CFAP298: variants seen among roughly 807,000 people sequenced by gnomAD.
CFAP298 encodes the protein cilia- and flagella-associated protein 298.
Under a neutral mutation model 41.0 loss-of-function variants are expected in CFAP298, and 38 were observed. The observed-to-expected ratio is 0.93, with a 90% CI of 0.72 to 1.22. The LOEUF (loss-of-function observed/expected upper bound fraction) is 1.22, where lower values mean the gene tolerates loss of function less well. CFAP298 is among the 50% of genes most tolerant of loss of function. CFAP298 has a pLI of 0.00. For synonymous variants in CFAP298, 137 were observed against 135.3 expected, an observed-to-expected ratio of 1.01 and a Z score of -0.09; for missense variants, 348 against 360.3, an observed-to-expected ratio of 0.97 and a Z score of 0.28.
rs2038703264 is a variant in CFAP298 at position 32,599,547 on chromosome 21, A to G, written c.*2316T>C. Among the ~76,000 whole-genome samples, 1 of 152,178 alleles carries G rather than the reference A, an allele frequency of 6.6e-6. No homozygotes were observed. The highest frequency in any genetic ancestry group is 2.1e-4 in the South Asian group (1 of 4,826). ...AAAAGAAGAAAATAACAACAAGACC[A>G]CAGACTTAAGCTGATCAGTGGTCTA... On this transcript the variant is annotated 3_prime_UTR_variant, in exon 7 of 7. Transcript: ENST00000290155.
In CFAP298 at chr21:32,606,091, CTG is replaced by C. The variant is rs1195115191; in HGVS notation, c.375+1556_375+1557del. Among the ~76,000 whole-genome samples the C allele has an allele frequency of 2.6e-5, 4 of 152,324 alleles. 1 individual carries two copies. The highest frequency in any genetic ancestry group is 2.6e-4 in the Admixed American group (4 of 15,306). ...GGATTTGCCCTATAAAACCAAGACA[CTG>C]TGGTTCTGTTACTGGAAACAGAGAA... On this transcript the variant is annotated intron_variant, in intron 3 of 6. Coordinates refer to ENST00000290155, the MANE Select transcript of CFAP298 (RefSeq NM_021254.4).
At position 32,611,318 on chromosome 21, in the gene CFAP298, CATATAT is replaced by C. The variant is rs71193198; in HGVS notation, c.139+781_139+786del. On this transcript the variant is annotated intron_variant, in intron 1 of 6. Transcript: ENST00000290155. Reference sequence around the variant, plus strand: ...CCCTGTCTCTCACACACACACATACCATATATATATATATATATATAATTTATTTAT... The same window carrying C: ...CCCTGTCTCTCACACACACACATACCATATATATATATATAATTTATTTAT... 9.8e-4 allele frequency among the ~76,000 whole-genome samples: 113 copies of C among 114,846 alleles called. 8 individuals carry two copies. Among genetic ancestry groups the C allele is most frequent in the African/African-American group, 4.5e-3 (106 of 23,568 alleles). The allele number at this position is 114,846 out of a possible 152,430, so 75.3% of individuals were successfully genotyped here.
intron 5 of CFAP298, chr21:32,602,819 A>C (rs2038774517): frequency 7.2e-7 from 1 of 1,392,630 alleles, no homozygotes; most frequent in South Asian, 1.6e-5. Flanking sequence ...TCCTGTACAC[A>C]GCATCAGCAG....
intron 4 of CFAP298, 69 bp downstream of exon 4, chr21:32,604,056 G>A (rs1601152575): frequency 1.4e-6 from 2 of 1,438,504 alleles, no homozygotes; most frequent in East Asian, 4.6e-5. Flanking sequence ...CAGAAGAGGG[G>A]CATCAAATCT....
At chr21:32,605,502 C>T (rs1350536639) in intron 3 of CFAP298, among the ~76,000 whole-genome samples, 1 of 152,178 alleles carries the variant, frequency 6.6e-6, no homozygotes, top group African/African-American at 2.4e-5. Flanking sequence ...CACCTCCAGG[C>T]GCTAGAGGTT....
chr21:32,610,597 C>T lies in CFAP298; in HGVS notation c.140-592G>A, dbSNP rs1023045348. On this transcript the variant is annotated intron_variant, in intron 1 of 6. Transcript: ENST00000290155. ...TGACTCTTAGCATTCAGCACATTTC[C>T]AATTTATAACGTTATAGGAAAAGAA... Among the ~76,000 whole-genome samples, 5 of 152,320 alleles carry T rather than the reference C, an allele frequency of 3.3e-5. 1 individual carries two copies. The highest frequency in any genetic ancestry group is 2.1e-4 in the South Asian group (1 of 4,816).
chr21:32,608,656 C>CAAA (rs57270252), intron 2 of CFAP298, among the ~76,000 whole-genome samples: 7 of 54,968 alleles, frequency 1.3e-4, no homozygotes, highest in Non-Finnish European at 2.3e-4. Context: ...GACTCTGTCT[C>CAAA]AAAAAAAAAA....
At chr21:32,609,671 A>G (rs1262930368) in intron 2 of CFAP298, among the ~76,000 whole-genome samples, 167 bp downstream of exon 2, 1 of 152,144 alleles carries the variant, frequency 6.6e-6, no homozygotes, top group East Asian at 1.9e-4. Context: ...AGGCGGAGGC[A>G]GGAGAATCGC....
At chr21:32,602,816 C>A in intron 5 of CFAP298, 1 of 1,388,542 alleles carries the variant, frequency 7.2e-7, no homozygotes, top group Admixed American at 3.2e-5. Flanking sequence ...CCCTCCTGTA[C>A]ACAGCATCAG....
intron 3 of CFAP298, 37 bp downstream of exon 3, chr21:32,607,610 AAC>A (rs1491448838): frequency 2.3e-6 from 3 of 1,310,698 alleles, no homozygotes; most frequent in Admixed American, 2.2e-5. Flanking sequence ...AAAAAAAAAA[AAC>A]CCAACAAGTT....
chr21:32,602,564 G>A (rs1206306797), intron 5 of CFAP298, 197 bp from the exon 6 acceptor site: 4 of 1,400,568 alleles, frequency 2.9e-6, no homozygotes, highest in Non-Finnish European at 3.7e-6. Context: ...CTCACTGTGT[G>A]GAGACCAGAG....
In CFAP298 at chr21:32,612,284, GCTGCGTGGC is replaced by G. The variant is rs756779318; in HGVS notation, c.-50_-42del. 51 of 1,412,764 alleles carry G rather than the reference GCTGCGTGGC, an allele frequency of 3.6e-5. No homozygotes were observed. Among genetic ancestry groups the G allele is most frequent in the Non-Finnish European group, 4.7e-5 (49 of 1,032,718 alleles). The allele number at this position is 1,412,764 out of a possible 1,614,324, so 87.5% of individuals were successfully genotyped here. A position where few individuals can be genotyped will look rare whatever the true frequency, so the allele number is the denominator to read the frequency against. On this transcript the variant is annotated 5_prime_UTR_variant, in exon 1 of 7. Transcript: ENST00000290155. ...GTACTGAGGCGTTGAGAAGGCCCCG[GCTGCGTGGC>G]CCGCGGGTCCTGCCGGCCGAGGGTC...
chr21:32,602,023 G>T, intron 6 of CFAP298, 50 bp from the exon 7 acceptor site: 5 of 1,198,104 alleles, frequency 4.2e-6, no homozygotes, highest in Non-Finnish European at 5.0e-6. Context: ...AAAGTGTTTT[G>T]CACATAAAGA....
chr21:32,610,052 C>T, intron 1 of CFAP298, 47 bp from the exon 2 acceptor site: 1 of 1,526,076 alleles, frequency 6.6e-7, no homozygotes, highest in East Asian at 2.3e-5. Context: ...CACCTCATAC[C>T]CCATTGGAAT....
At chr21:32,608,089 A>G (rs753489041) in intron 2 of CFAP298, among the ~76,000 whole-genome samples, 11 of 152,196 alleles carry the variant, frequency 7.2e-5, no homozygotes, top group Non-Finnish European at 1.6e-4. Context: ...AAGAGCAGAC[A>G]ATACTTAAAT....
chr21:32,602,129 C>G (rs1055459456), intron 6 of CFAP298, 143 bp downstream of exon 6: 3 of 903,116 alleles, frequency 3.3e-6, no homozygotes, highest in Admixed American at 4.1e-5. Context: ...CTGGCAGGAC[C>G]CCGACAGACC....
At chr21:32,608,061 A>G (rs1262525567) in intron 2 of CFAP298, among the ~76,000 whole-genome samples, 1 of 152,222 alleles carries the variant, frequency 6.6e-6, no homozygotes, top group African/African-American at 2.4e-5. Flanking sequence ...GGGATAACTC[A>G]GCTCTGCCAC....
At chr21:32,611,636 G>A (rs963576871) in intron 1 of CFAP298, among the ~76,000 whole-genome samples, 2 of 151,984 alleles carry the variant, frequency 1.3e-5, no homozygotes, top group African/African-American at 4.8e-5. Flanking sequence ...GCCGTTTCCA[G>A]GGCGGGGAAA....
chr21:32,609,610 C>T (rs1248722985), intron 2 of CFAP298, among the ~76,000 whole-genome samples: 2 of 152,140 alleles, frequency 1.3e-5, no homozygotes, highest in Non-Finnish European at 2.9e-5. Flanking sequence ...ACTAAAAATA[C>T]AAAAATTAGT....
Sources: allele counts gnomAD v4.1 joint callset (sites outside exome capture counted in the v4.1 genomes callset), GRCh38; gene constraint gnomAD v4.1.1; transcripts MANE v1.5; gene names NCBI Gene and HGNC (gene_info 2026-07-23, HGNC 2026-07-21).